LPA: variants seen among roughly 807,000 people sequenced by gnomAD.
LPA encodes the protein apolipoprotein(a).
Under a neutral mutation model 197.9 loss-of-function variants are expected in LPA, and 199 were observed. The ratio of observed to expected loss-of-function variants is 1.01; its 90% confidence interval spans 0.90 to 1.13. The LOEUF (loss-of-function observed/expected upper bound fraction) is 1.13. Among genes scored for constraint, LPA ranks in the 50% most tolerant of loss-of-function variants. The pLI is 0.00. For missense variants in LPA, 1,853 were observed against 1,785.8 expected, an observed-to-expected ratio of 1.04 and a Z score of -0.68; for synonymous variants, 715 against 639.5, an observed-to-expected ratio of 1.12 and a Z score of -1.78.
intron 7 of LPA, 152 bp downstream of exon 7, chr6:160,634,971 C>CT (rs1306720066): frequency 6.7e-7 from 1 of 1,495,808 alleles, no homozygotes; most frequent in Admixed American, 1.7e-5. Context: ...CTGGCTCCCC[C>CT]AGAGAGTACA....
In LPA at chr6:160,605,298, G is replaced by A. The variant is rs551785502; in HGVS notation, c.2786-93C>T. 120 of 1,408,420 alleles carry A rather than the reference G, an allele frequency of 8.5e-5. 1 individual carries two copies. The East Asian group carries it at 1.5e-3, about 18-fold the overall frequency. 87.2% of individuals were successfully genotyped at this position (1,408,420 alleles called of 1,614,324 possible). A position where few individuals can be genotyped will look rare whatever the true frequency, so the allele number is the denominator to read the frequency against. ...TGGCACAAACCAGAAAAAAGTCTCTGAGAATTATGACCTCAGGAGAATATG... is the reference window on the plus strand; with the variant it reads ...TGGCACAAACCAGAAAAAAGTCTCTAAGAATTATGACCTCAGGAGAATATG... On this transcript the variant is annotated intron_variant, in intron 17 of 38. Transcript: ENST00000316300.
In LPA at chr6:160,545,440, C is replaced by T. The variant is rs1562316288; in HGVS notation, c.5398G>A (p.Ala1800Thr). The change falls in exon 33 of 39, where the codon GCA (alanine) becomes ACA (threonine). Residue 1800 changes from alanine to threonine, a missense_variant and splice_region_variant. Coordinates refer to ENST00000316300, the MANE Select transcript of LPA (RefSeq NM_005577.4). ...CTTACCAAAACAGAAGGCAACTTAC[C>T]ACAGAGAGGGATATCACAGTAGTCA... is the stretch of plus-strand genomic sequence containing the variant. ...LFDYCDIPLC[A>T]SSSFDCGKPQ... 1.3e-6 allele frequency: 2 copies of T among 1,593,390 alleles called. No homozygotes were observed. Among genetic ancestry groups the T allele is most frequent in the Non-Finnish European group, 8.6e-7 (1 of 1,161,620 alleles).
chr6:160,541,739 C>T (rs183426095), intron 34 of LPA, among the ~76,000 whole-genome samples: 1 of 152,078 alleles, frequency 6.6e-6, no homozygotes, highest in Non-Finnish European at 1.5e-5. Flanking sequence ...AGCCAGATTG[C>T]AACGAAGAGG....
At chr6:160,578,936 T>C (rs1778738419) in intron 26 of LPA, among the ~76,000 whole-genome samples, 1 of 152,164 alleles carries the variant, frequency 6.6e-6, no homozygotes, top group South Asian at 2.1e-4. Flanking sequence ...TAGTATATGC[T>C]CTCTATGAAA....
At chr6:160,582,712 T>C (rs1778824366) in intron 26 of LPA, among the ~76,000 whole-genome samples, 1 of 152,166 alleles carries the variant, frequency 6.6e-6, no homozygotes, top group African/African-American at 2.4e-5. Context: ...ATTGAGCTTC[T>C]TGACTATGTG....
chr6:160,540,991 G>A, intron 35 of LPA, 116 bp downstream of exon 35: 1 of 864,844 alleles, frequency 1.2e-6, no homozygotes, highest in Non-Finnish European at 1.9e-6. Flanking sequence ...TTCCAGAAAA[G>A]GAAGAGAGGT....
At chr6:160,647,744 A>G (rs900496945) in intron 2 of LPA, among the ~76,000 whole-genome samples, 1 of 152,160 alleles carries the variant, frequency 6.6e-6, no homozygotes, top group Non-Finnish European at 1.5e-5. Context: ...CTTCCAATTA[A>G]TCCCTACATG....
At chr6:160,559,041 A>G (rs1778318884) in intron 28 of LPA, among the ~76,000 whole-genome samples, 1 of 152,178 alleles carries the variant, frequency 6.6e-6, no homozygotes, top group African/African-American at 2.4e-5. Flanking sequence ...TTTCCCACAG[A>G]GTGAGATGCA....
At chr6:160,588,431 A>T (rs1778958275) in intron 24 of LPA, among the ~76,000 whole-genome samples, 2 of 152,148 alleles carry the variant, frequency 1.3e-5, no homozygotes, top group Admixed American at 1.3e-4. Flanking sequence ...CCCAAAATGT[A>T]GTGAGGTGTT....
chr6:160,572,291 G>C (rs1778577237), intron 28 of LPA, among the ~76,000 whole-genome samples: 1 of 151,916 alleles, frequency 6.6e-6, no homozygotes, highest in African/African-American at 2.4e-5. Flanking sequence ...GATCTCACGG[G>C]GAGCGGCAGA....
chr6:160,547,546 G>A (rs1778092774), intron 32 of LPA, among the ~76,000 whole-genome samples: 1 of 152,138 alleles, frequency 6.6e-6, no homozygotes, highest in South Asian at 2.1e-4. Context: ...CTGGCTTAGA[G>A]GACAAGCACT....
At chr6:160,602,211 G>T (rs1488898499) in intron 18 of LPA, among the ~76,000 whole-genome samples, 1 of 152,206 alleles carries the variant, frequency 6.6e-6, no homozygotes, top group Non-Finnish European at 1.5e-5. Context: ...TTGAGTACTT[G>T]AAAGACTTCT....
At chr6:160,534,542 C>T (rs1237299235) in intron 37 of LPA, among the ~76,000 whole-genome samples, 1 of 152,210 alleles carries the variant, frequency 6.6e-6, no homozygotes, top group Non-Finnish European at 1.5e-5. Context: ...CTCAACACCA[C>T]TCTGCACTTG....
intron 2 of LPA, among the ~76,000 whole-genome samples, chr6:160,647,579 T>C (rs534186640): frequency 1.3e-5 from 2 of 152,198 alleles, no homozygotes; most frequent in Non-Finnish European, 2.9e-5. Flanking sequence ...CTTCCCTCTT[T>C]TGAATACATA....
At chr6:160,654,773 A>G (rs558453312) in intron 1 of LPA, among the ~76,000 whole-genome samples, 35 of 151,594 alleles carry the variant, frequency 2.3e-4, no homozygotes, top group Non-Finnish European at 4.7e-4. Context: ...AATAAAGGAA[A>G]TAAAATAAAG....
Position 160,611,702 on chromosome 6 carries a change from A to C in LPA, c.2463T>G (p.Pro821=), listed in dbSNP as rs1166382828. 1 of 1,530,648 alleles carries C rather than the reference A, an allele frequency of 6.5e-7. No individual in the cohort carries two copies. Among genetic ancestry groups the C allele is most frequent in the African/African-American group, 1.4e-5 (1 of 70,086 alleles). The allele number at this position is 1,530,648 out of a possible 1,614,324, so 94.8% of individuals were successfully genotyped here. Residue 821 remains proline (P), a synonymous_variant, in exon 16 of 39, where the codon CCT becomes CCG. Coordinates refer to ENST00000316300, the MANE Select transcript of LPA (RefSeq NM_005577.4). ...PSEQAPTEQR[P]GVQECYHGNG... is the part of the protein sequence containing the mutation. ...TACCGTGGTAGCACTCCTGCACCCCAGGCCTCTGCTCAGTCGGTGCTGAAA... is the reference window on the plus strand; with the variant it reads ...TACCGTGGTAGCACTCCTGCACCCCCGGCCTCTGCTCAGTCGGTGCTGAAA...
chr6:160,582,622 T>C (rs1229685702), intron 26 of LPA, among the ~76,000 whole-genome samples: 2 of 152,134 alleles, frequency 1.3e-5, no homozygotes, highest in Non-Finnish European at 2.9e-5. Context: ...TTACTTTCTA[T>C]CTTTGATTAT....
chr6:160,591,146 T>TACA (rs1478186954), intron 22 of LPA, 45 bp from the exon 23 acceptor site: 36 of 1,609,146 alleles, frequency 2.2e-5, no homozygotes, highest in Non-Finnish European at 2.8e-5. Context: ...TGGGAGAAGA[T>TACA]ACAAGGGCAC....
At chr6:160,594,899 G>A (rs557623494) in intron 21 of LPA, among the ~76,000 whole-genome samples, 2 of 152,206 alleles carry the variant, frequency 1.3e-5, no homozygotes, top group South Asian at 4.2e-4. Context: ...ATGGAACTAA[G>A]AAAAGTCATA....
Sources: allele counts gnomAD v4.1 joint callset (sites outside exome capture counted in the v4.1 genomes callset), GRCh38; gene constraint gnomAD v4.1.1; transcripts MANE v1.5; gene names NCBI Gene and HGNC (gene_info 2026-07-23, HGNC 2026-07-21).